Variants in MYO15A observed in about 807,000 individuals in gnomAD.
MYO15A encodes the protein unconventional myosin-XV.
MYO15A carries 308 observed loss-of-function variants against 394.6 expected under a neutral mutation model. The observed-to-expected ratio is 0.78, with a 90% CI of 0.71 to 0.86. The LOEUF is 0.86. Ranked by LOEUF, MYO15A falls within the 40% of genes least tolerant of loss-of-function variation. The pLI is 0.00. For missense variants in MYO15A, 4,606 were observed against 4,799.1 expected, an observed-to-expected ratio of 0.96 and a Z score of 1.19; for synonymous variants, 1,957 against 2,003.8, an observed-to-expected ratio of 0.98 and a Z score of 0.62.
At chr17:18,161,747 G>A (rs1211915172) in intron 57 of MYO15A, among the ~76,000 whole-genome samples, 2 of 152,154 alleles carry the variant, frequency 1.3e-5, no homozygotes, top group African/African-American at 4.8e-5. Context: ...GGAATATGTG[G>A]TACGTGGGAG....
At chr17:18,176,360 A>C (rs913393669) in intron 65 of MYO15A, among the ~76,000 whole-genome samples, 5 of 151,934 alleles carry the variant, frequency 3.3e-5, no homozygotes, top group Non-Finnish European at 7.4e-5. Flanking sequence ...AAGAGAGGGA[A>C]CAAGAGAGAG....
chr17:18,160,059 C>G, intron 56 of MYO15A, 42 bp downstream of exon 56: 1 of 1,584,266 alleles, frequency 6.3e-7, no homozygotes, highest in Non-Finnish European at 8.6e-7. Context: ...CTCACTGTGT[C>G]CATGCTCCAG....
intron 24 of MYO15A, 39 bp downstream of exon 24, chr17:18,142,293 G>A: frequency 6.3e-7 from 1 of 1,595,426 alleles, no homozygotes; most frequent in South Asian, 1.1e-5. Context: ...GGAGACCTAT[G>A]GTCAGGCTCG....
chr17:18,160,819 A>T (rs2046763295), intron 56 of MYO15A: 12 of 297,386 alleles, frequency 4.0e-5, no homozygotes, highest in South Asian at 3.8e-4. Flanking sequence ...GCCAGCACAC[A>T]GTACGTGCCC....
In MYO15A at chr17:18,120,147, C is replaced by G. The variant is rs745555852; in HGVS notation, c.1347C>G (p.Ser449=). The part of the protein sequence containing the change: ...EDAGVERQGT[S]FRLPSAAFFE... ...CGGGCGTAGAGCGTCAGGGGACCTC[C>G]TTCCGCCTGCCCAGCGCCGCCTTCT... is the stretch of plus-strand genomic sequence containing the variant. The change falls in exon 2 of 66, where the codon TCC becomes TCG. Residue 449 remains serine, a synonymous_variant. Transcript: ENST00000647165. 24 of 1,612,942 alleles carry G rather than the reference C, an allele frequency of 1.5e-5. No individual in the cohort carries two copies. The African/African-American group carries it at 2.9e-4, about 20-fold the overall frequency.
chr17:18,157,835 G>C lies in MYO15A; in HGVS notation c.8902G>C (p.Ala2968Pro). The change falls in exon 51 of 66, where the codon GCA (alanine) becomes CCA (proline). Residue 2968 changes from alanine to proline, a missense_variant. Ala to Pro is a conservative substitution (Grantham distance 27). Transcript: ENST00000647165. ...GCCAACGGAGCCAGGCCGCGGCCGAGCAGCCGCCGTGGCCGCTGCTGTGGC... is the reference window on the plus strand; with the variant it reads ...GCCAACGGAGCCAGGCCGCGGCCGACCAGCCGCCGTGGCCGCTGCTGTGGC... ...QLPTEPGRGR[A>P]AAVAAAVASA... 2 of 1,584,664 alleles carry C rather than the reference G, an allele frequency of 1.3e-6. No individual in the cohort carries two copies.
Position 18,157,902 on chromosome 17 carries a change from T to TG in MYO15A, c.8967+3dup. On this transcript the variant is annotated splice_region_variant and intron_variant, in intron 51 of 65. Transcript: ENST00000647165. ...CAGGAGGTGGGCCGCAGGAGAGAGG[T>TG]GAGACCAGTGTGGGTGGGGTGGGGC... is the stretch of plus-strand genomic sequence containing the variant. The TG allele has an allele frequency of 9.4e-7, 1 of 1,067,478 alleles. No homozygotes were observed. The allele number at this position is 1,067,478 out of a possible 1,614,324, so 66.1% of individuals were successfully genotyped here.
intron 7 of MYO15A, among the ~76,000 whole-genome samples, chr17:18,128,709 C>T (rs1017446977): frequency 5.9e-5 from 9 of 152,174 alleles, no homozygotes; most frequent in South Asian, 2.1e-4. Context: ...ATCGTCACAC[C>T]GGAGCTTTAC....
Position 18,163,156 on chromosome 17 carries a change from T to C in MYO15A, c.9613-88T>C, listed in dbSNP as rs905587279. The C allele has an allele frequency of 1.3e-5, 18 of 1,412,150 alleles. No homozygotes were observed. In the African/African-American group the frequency reaches 2.5e-4, roughly 20 times the overall value. The allele number at this position is 1,412,150 out of a possible 1,614,324, so 87.5% of individuals were successfully genotyped here. A position where few individuals can be genotyped will look rare whatever the true frequency, so the allele number is the denominator to read the frequency against. ...CTACACGTGCCAGCCCAGGATCCTT[T>C]GGCTTGGGAACTCCCAGGGCAGGAG... On this transcript the variant is annotated intron_variant, in intron 58 of 65. Coordinates refer to ENST00000647165, the MANE Select transcript of MYO15A (RefSeq NM_016239.4).
At position 18,148,354 on chromosome 17, in the gene MYO15A, G is replaced by C. The variant is rs983400058; in HGVS notation, c.6692-142G>C. On this transcript the variant is annotated intron_variant, in intron 31 of 65. Transcript: ENST00000647165. This position sits in a 1 kb window ranked among gnomAD's most constrained non-coding sequence, Gnocchi z 4.8. ...GCTCTGCGTGAAAGTCTGTGTGTGG[G>C]GGTGGGACCTGGCCCAGGAAAGGGG... The C allele has an allele frequency of 5.5e-6, 8 of 1,449,612 alleles. No individual in the cohort carries two copies. The highest frequency in any genetic ancestry group is 7.5e-6 in the Non-Finnish European group (8 of 1,062,084). 89.8% of individuals were successfully genotyped at this position (1,449,612 alleles called of 1,614,324 possible).
chr17:18,120,539 T>A lies in MYO15A; in HGVS notation c.1739T>A (p.Leu580Gln). 1 of 1,595,540 alleles carries A rather than the reference T, an allele frequency of 6.3e-7. No homozygotes were observed. The highest frequency in any genetic ancestry group is 8.5e-7 in the Non-Finnish European group (1 of 1,173,576). The change falls in exon 2 of 66, where the codon CTG (leucine) becomes CAG (glutamine). Residue 580 changes from leucine to glutamine, a missense_variant. By Grantham distance (113) the Leu-to-Gln change is moderately radical. Transcript: ENST00000647165. ...TSLARFLKKT[L>Q]SEKKPIARLR... ...CTTGCGCGGTTCCTCAAGAAGACGC[T>A]GTCGGAGAAGAAGCCCATCGCGCGG...
intron 30 of MYO15A, 100 bp downstream of exon 30, chr17:18,146,207 A>C: frequency 7.9e-7 from 1 of 1,268,702 alleles, no homozygotes; most frequent in Non-Finnish European, 1.1e-6. Flanking sequence ...TCAGATCTCT[A>C]TGCTGGGAAG....
rs776320800 is a variant in MYO15A at position 18,154,155 on chromosome 17, A to T, written c.8113A>T (p.Ser2705Cys). Residue 2705 changes from serine to cysteine, a missense_variant, in exon 44 of 66, where the codon AGC becomes TGC. By Grantham distance (112) the Ser-to-Cys change is moderately radical. Transcript: ENST00000647165. ...GGTGTTTTACCCCAAGGACAGCTACAGCCATCCTGTGCAGCTTGACCTCCT... is the reference window on the plus strand; with the variant it reads ...GGTGTTTTACCCCAAGGACAGCTACTGCCATCCTGTGCAGCTTGACCTCCT... ...KEVFYPKDSY[S>C]HPVQLDLLFR... 1.2e-6 allele frequency: 2 copies of T among 1,614,086 alleles called. No homozygotes were observed. Among genetic ancestry groups the T allele is most frequent in the Admixed American group, 1.7e-5 (1 of 60,030 alleles).
intron 7 of MYO15A, among the ~76,000 whole-genome samples, chr17:18,130,309 TG>T (rs2046131394): frequency 6.7e-6 from 1 of 149,778 alleles, no homozygotes; most frequent in Admixed American, 6.7e-5. Flanking sequence ...GACATTCTAG[TG>T]GGGAGACAGA....
At chr17:18,125,038 G>A in intron 3 of MYO15A, 130 bp from the exon 4 acceptor site, 1 of 864,496 alleles carries the variant, frequency 1.2e-6, no homozygotes, top group Admixed American at 1.7e-5. Context: ...AGGTCTCCTA[G>A]CTGGTTGGTG....
In MYO15A at chr17:18,171,696, T is replaced by G. The variant is rs1443721300; in HGVS notation, c.10141T>G (p.Trp3381Gly). The G allele has an allele frequency of 6.2e-7, 1 of 1,613,008 alleles. No homozygotes were observed. The highest frequency in any genetic ancestry group is 8.5e-7 in the Non-Finnish European group (1 of 1,180,010). ...CTACCGTACAACGGCAGGCTCGACCTGGCTCAACCTGGTCAGCCAGCACCG... is the reference window on the plus strand; with the variant it reads ...CTACCGTACAACGGCAGGCTCGACCGGGCTCAACCTGGTCAGCCAGCACCG... ...QLYRTTAGSTWLNLVSQHRQQ... is the reference protein window; with the variant it reads ...QLYRTTAGSTGLNLVSQHRQQ... Residue 3381 changes from tryptophan to glycine, a missense_variant, in exon 63 of 66, where the codon TGG (tryptophan) becomes GGG (glycine). Trp to Gly is a radical substitution (Grantham distance 184). Transcript: ENST00000647165.
rs369717113 is a variant in MYO15A, at chr17:18,151,169, C to A, written c.7533C>A (p.Pro2511=). ...TSVGTGPPAK[P]VLLRATPKPL... Reference sequence around the variant, plus strand: ...TAGGCACCGGTCCCCCTGCCAAACCCGTGCTCCTGCGTGCCACTCCAAAGC... The same window carrying A: ...TAGGCACCGGTCCCCCTGCCAAACCAGTGCTCCTGCGTGCCACTCCAAAGC... Residue 2511 remains proline, a synonymous_variant, in exon 39 of 66, where the codon CCC becomes CCA. Coordinates refer to ENST00000647165, the MANE Select transcript of MYO15A (RefSeq NM_016239.4). 3.1e-6 allele frequency: 5 copies of A among 1,614,036 alleles called. No homozygotes were observed. The East Asian group carries it at 8.9e-5, about 29-fold the overall frequency.
chr17:18,157,449 C>A, intron 50 of MYO15A: 3 of 905,246 alleles, frequency 3.3e-6, no homozygotes, highest in South Asian at 1.5e-5. Context: ...ATGTTTGTGG[C>A]CTGAATCTCT....
chr17:18,119,021 G>A lies in MYO15A; in HGVS notation c.221G>A (p.Arg74Lys), dbSNP rs1720473718. 1.2e-6 allele frequency: 2 copies of A among 1,612,656 alleles called. No homozygotes were observed. The highest frequency in any genetic ancestry group is 1.3e-5 in the African/African-American group (1 of 75,050). Reference sequence around the variant, plus strand: ...GGCCCCCAGAAGACCAAGCGCAAGAGGAAGGCCCGCACCGTGCTCAAGTCC... The same window carrying A: ...GGCCCCCAGAAGACCAAGCGCAAGAAGAAGGCCCGCACCGTGCTCAAGTCC... Reference protein sequence around the residue: ...HTGPQKTKRKRKARTVLKSTS... With the variant: ...HTGPQKTKRKKKARTVLKSTS... Residue 74 changes from arginine (R) to lysine (K), a missense_variant, in exon 2 of 66, where the codon AGG becomes AAG. Arg to Lys is a conservative substitution (Grantham distance 26). Coordinates refer to ENST00000647165, the MANE Select transcript of MYO15A (RefSeq NM_016239.4).
Sources: allele counts gnomAD v4.1 joint callset (sites outside exome capture counted in the v4.1 genomes callset), GRCh38; gene constraint gnomAD v4.1.1; non-coding constraint Gnocchi (gnomAD v3.1); transcripts MANE v1.5; gene names NCBI Gene and HGNC (gene_info 2026-07-23, HGNC 2026-07-21).